The following CENPI variants were observed in gnomAD, a reference collection of about 807,000 sequenced individuals.
CENPI encodes FSH primary response 1.
CENPI carries 4 observed loss-of-function variants against 60.4 expected under a neutral mutation model. That is an observed-to-expected ratio of 0.07 (90% CI 0.03 to 0.15). The LOEUF is 0.15. Ranked by LOEUF, CENPI falls within the 10% of genes least tolerant of loss-of-function variation. The probability of loss-of-function intolerance (pLI) is 1.00; values close to 1 mark genes in which losing one functional copy is unlikely to be tolerated. For missense variants in CENPI, 444 were observed against 534.5 expected (o/e 0.83, Z 1.67); for synonymous variants, 157 against 189.4 (o/e 0.83, Z 1.40).
intron 3 of CENPI, 69 bp downstream of exon 3, chrX:101,101,365 G>T (rs370241848): frequency 2.4e-6 from 2 of 827,724 alleles, no homozygotes; most frequent in Non-Finnish European, 3.4e-6. Context: ...TTTTTCTTAA[G>T]AATTTTTAAA....
chrX:101,124,090 A>AGTGTGTGTGTGT (rs397842781), intron 8 of CENPI, among the ~76,000 whole-genome samples: 12 of 88,259 alleles, frequency 1.4e-4, no homozygotes, highest in African/African-American at 2.1e-4. Context: ...TATAGAATCA[A>AGTGTGTGTGTGT]GTGTGTGTGT....
intron 8 of CENPI, among the ~76,000 whole-genome samples, chrX:101,122,406 C>T (rs2089688121): frequency 8.9e-6 from 1 of 111,732 alleles, no homozygotes; most frequent in East Asian, 2.8e-4. Context: ...TTTTTGTAGC[C>T]TTCTGTTTTA....
chrX:101,126,176 C>T (rs1331932696), intron 8 of CENPI, among the ~76,000 whole-genome samples: 1 of 112,371 alleles, frequency 8.9e-6, no homozygotes, highest in Non-Finnish European at 1.9e-5. Flanking sequence ...ATGTATAAAA[C>T]AGGTATCTAG....
chrX:101,138,511 A>G (rs762511647), intron 15 of CENPI, among the ~76,000 whole-genome samples: 1 of 108,622 alleles, frequency 9.2e-6, no homozygotes, highest in Non-Finnish European at 1.9e-5. Flanking sequence ...TATTTTCAGT[A>G]GAGATGGGGT....
chrX:101,109,841 T>A, intron 5 of CENPI, 50 bp from the exon 6 acceptor site: 1 of 930,964 alleles, frequency 1.1e-6, no homozygotes, highest in Non-Finnish European at 1.5e-6. Context: ...ATTAAACTCT[T>A]CTGTACCAGT....
At chrX:101,143,932 G>A (rs2089938831) in intron 16 of CENPI, among the ~76,000 whole-genome samples, 1 of 111,758 alleles carries the variant, frequency 8.9e-6, no homozygotes, top group African/African-American at 3.2e-5. Context: ...GTGTTGCAAT[G>A]TTACTAACAG....
the CENPI span, among the ~76,000 whole-genome samples, chrX:101,180,348 G>T: frequency 9.0e-6 from 1 of 110,559 alleles, no homozygotes; most frequent in South Asian, 3.9e-4. Flanking sequence ...TGTTGCCTAG[G>T]CTGTTCTTGA....
downstream of CENPI, among the ~76,000 whole-genome samples, chrX:101,169,524 T>A (rs1382577661): frequency 8.9e-6 from 1 of 112,277 alleles, no homozygotes; most frequent in Non-Finnish European, 1.9e-5. Context: ...AAACAGCACA[T>A]ACAGTTATGT....
intron 4 of CENPI, among the ~76,000 whole-genome samples, chrX:101,103,669 C>T (rs1410911976): frequency 3.6e-5 from 4 of 111,970 alleles, no homozygotes; most frequent in Admixed American, 9.5e-5. Flanking sequence ...TTACATTGTT[C>T]ATTGGAATTA....
chrX:101,106,793 G>T (rs1254531912), intron 4 of CENPI, among the ~76,000 whole-genome samples: 1 of 111,123 alleles, frequency 9.0e-6, no homozygotes, highest in Non-Finnish European at 1.9e-5. Flanking sequence ...CAGTCACAGT[G>T]GCTCATGCCT....
At chrX:101,110,086 A>G (rs1188165882) in intron 6 of CENPI, 88 bp downstream of exon 6, 1 of 455,602 alleles carries the variant, frequency 2.2e-6, no homozygotes, top group East Asian at 3.9e-5. Flanking sequence ...TGTGCTACAC[A>G]ATATGTTTTT....
rs61531591 is a variant in CENPI at position 101,161,950 on chromosome X, AT to A, written c.2136+389del. ...TGAGGCCTGGATTTTATTTTATTTT[AT>A]TTTTTTTGAGAAGGAGTCTTGCTCT... is the stretch of plus-strand genomic sequence containing the variant. On this transcript the variant is annotated intron_variant, in intron 21 of 21. Coordinates refer to ENST00000682095, the MANE Select transcript of CENPI (RefSeq NM_001386188.2). Among the ~76,000 whole-genome samples the A allele has an allele frequency of 1.8e-3, 191 of 107,684 alleles. 4 individuals are homozygous for A. In the East Asian group the frequency reaches 0.054, roughly 31 times the overall value. The allele number at this position is 107,684 out of a possible 115,157, so 93.5% of individuals were successfully genotyped here. A position where few individuals can be genotyped will look rare whatever the true frequency, so the allele number is the denominator to read the frequency against.
In CENPI at chrX:101,101,115, G is replaced by T; in HGVS notation, c.45G>T (p.Arg15Ser). Residue 15 changes from arginine to serine, a missense_variant, in exon 3 of 22, where the codon AGG becomes AGT. Arg to Ser is a moderately radical substitution (Grantham distance 110). Coordinates refer to ENST00000682095, the MANE Select transcript of CENPI (RefSeq NM_001386188.2). ...KRVKNVQAQN[R>S]TSQGSSSFQT... The stretch of plus-strand genomic sequence containing the variant: ...TTAAGAACGTCCAGGCACAAAACAG[G>T]ACTTCACAAGGTAGTAGTAGTTTTC... The T allele has an allele frequency of 8.3e-7, 1 of 1,211,354 alleles. No individual in the cohort carries two copies. Among genetic ancestry groups the T allele is most frequent in the African/African-American group, 1.7e-5 (1 of 57,779 alleles).
At chrX:101,161,450 C>A in intron 20 of CENPI, 78 bp from the exon 21 acceptor site, 1 of 903,653 alleles carries the variant, frequency 1.1e-6, no homozygotes, top group Non-Finnish European at 1.6e-6. Flanking sequence ...TTTGTACTAA[C>A]CAAGTATTTC....
intron 16 of CENPI, among the ~76,000 whole-genome samples, chrX:101,144,794 C>T (rs1259440140): frequency 9.0e-6 from 1 of 111,150 alleles, no homozygotes; most frequent in Non-Finnish European, 1.9e-5. Context: ...TTCATATCTG[C>T]TTGGAGCTTA....
At chrX:101,109,641 G>A (rs1437129233) in intron 5 of CENPI, 50 bp downstream of exon 5, 2 of 959,925 alleles carry the variant, frequency 2.1e-6, no homozygotes, top group Admixed American at 2.3e-5. Flanking sequence ...CCACTTAAGG[G>A]CTGGCAAGGA....
intron 6 of CENPI, among the ~76,000 whole-genome samples, chrX:101,111,889 G>T (rs2089557566): frequency 9.0e-6 from 1 of 111,196 alleles, no homozygotes; most frequent in Admixed American, 9.7e-5. Context: ...AAAATTAGCT[G>T]GGCATGGTGG....
chrX:101,178,398 C>CTTCTTTTTT, the CENPI span, among the ~76,000 whole-genome samples: 5 of 39,976 alleles, frequency 1.3e-4, no homozygotes, highest in Non-Finnish European at 1.4e-4. Flanking sequence ...TTTTCTTCTT[C>CTTCTTTTTT]TTTTTTTTTT....
At chrX:101,171,763 TTGTGACATGG>T in the CENPI span, among the ~76,000 whole-genome samples, 1 of 111,858 alleles carries the variant, frequency 8.9e-6, no homozygotes, top group South Asian at 3.8e-4. Flanking sequence ...GAGTATATCG[TTGTGACATGG>T]GGTGACATGG....
Sources: allele counts gnomAD v4.1 joint callset (sites outside exome capture counted in the v4.1 genomes callset), GRCh38; gene constraint gnomAD v4.1.1; transcripts MANE v1.5; gene names NCBI Gene and HGNC (gene_info 2026-07-23, HGNC 2026-07-21).